PTPRO: variants seen among roughly 807,000 people sequenced by gnomAD.
The protein encoded by PTPRO is protein tyrosine phosphatase receptor type O, also known as receptor-type tyrosine-protein phosphatase O.
PTPRO carries 62 observed loss-of-function variants against 145.2 expected under a neutral mutation model. The observed-to-expected ratio is 0.43, with a 90% CI of 0.35 to 0.53. The LOEUF (loss-of-function observed/expected upper bound fraction) is 0.53, where lower values mean the gene tolerates loss of function less well. PTPRO is among the 20% of genes least tolerant of loss of function. The probability of loss-of-function intolerance (pLI) is 0.01; values close to 1 mark genes in which losing one functional copy is unlikely to be tolerated. For missense variants in PTPRO, 1,345 were observed against 1,482.7 expected, an observed-to-expected ratio of 0.91 and a Z score of 1.53; for synonymous variants, 565 against 514.7, an observed-to-expected ratio of 1.10 and a Z score of -1.32.
At chr12:15,405,689 C>T (rs1231218131) in intron 1 of PTPRO, among the ~76,000 whole-genome samples, 2 of 151,886 alleles carry the variant, frequency 1.3e-5, no homozygotes, top group East Asian at 1.9e-4. Context: ...AAGTATTGGC[C>T]GTTAAGAGAA....
Position 15,549,205 on chromosome 12 carries a change from T to C in PTPRO, c.2416T>C (p.Phe806Leu). The C allele has an allele frequency of 1.9e-6, 3 of 1,608,426 alleles. No homozygotes were observed. The highest frequency in any genetic ancestry group is 2.5e-6 in the Non-Finnish European group (3 of 1,178,848). Residue 806 changes from phenylalanine to leucine, a missense_variant, in exon 14 of 27, where the codon TTC (phenylalanine) becomes CTC (leucine). Coordinates refer to ENST00000281171, the MANE Select transcript of PTPRO (RefSeq NM_030667.3). Reference protein sequence around the residue: ...FSHDSPSVPTFIAVSTMVTEM... With the variant: ...FSHDSPSVPTLIAVSTMVTEM... ...CCATGACAGCCCCAGTGTCCCTACGTTCATAGCCGTCTCAACAATGGGTAA... is the reference window on the plus strand; with the variant it reads ...CCATGACAGCCCCAGTGTCCCTACGCTCATAGCCGTCTCAACAATGGGTAA...
chr12:15,366,662 T>C (rs1938370911), intron 1 of PTPRO, among the ~76,000 whole-genome samples: 1 of 152,206 alleles, frequency 6.6e-6, no homozygotes, highest in Admixed American at 6.5e-5. Flanking sequence ...TGAGGTGTAC[T>C]TGTTTTTATT....
chr12:15,573,312 G>T (rs748119751), intron 19 of PTPRO, among the ~76,000 whole-genome samples: 1 of 152,102 alleles, frequency 6.6e-6, no homozygotes, highest in Non-Finnish European at 1.5e-5. Context: ...ATGAGGCCCA[G>T]CCACATTACG....
At chr12:15,529,317 A>G (rs1942908840) in intron 12 of PTPRO, among the ~76,000 whole-genome samples, 1 of 152,090 alleles carries the variant, frequency 6.6e-6, no homozygotes, top group Non-Finnish European at 1.5e-5. Context: ...TTTTGTTTCT[A>G]TTCTTTTGCT....
At chr12:15,579,510 T>C (rs1944263121) in intron 20 of PTPRO, among the ~76,000 whole-genome samples, 1 of 152,240 alleles carries the variant, frequency 6.6e-6, no homozygotes, top group African/African-American at 2.4e-5. Context: ...GAAAAAGCTC[T>C]AGAAAGAGAA....
chr12:15,403,000 CTT>C (rs1194842678), intron 1 of PTPRO, among the ~76,000 whole-genome samples: 2 of 152,112 alleles, frequency 1.3e-5, no homozygotes, highest in African/African-American at 2.4e-5. Context: ...AAATCTTGAG[CTT>C]TTTAGTTTTA....
chr12:15,335,862 G>T (rs569364987), intron 1 of PTPRO, among the ~76,000 whole-genome samples: 76 of 152,002 alleles, frequency 5.0e-4, no homozygotes, highest in Non-Finnish European at 8.4e-4. Context: ...CTGCTAGATT[G>T]ATGTAACATC....
intron 1 of PTPRO, among the ~76,000 whole-genome samples, chr12:15,444,813 T>C (rs533496033): frequency 6.6e-6 from 1 of 152,268 alleles, no homozygotes; most frequent in Non-Finnish European, 1.5e-5. Context: ...AAGATAAATT[T>C]CTGTTGTTTA....
At chr12:15,533,452 T>G (rs1271002291) in intron 12 of PTPRO, among the ~76,000 whole-genome samples, 1 of 152,218 alleles carries the variant, frequency 6.6e-6, no homozygotes, top group Admixed American at 6.5e-5. Context: ...TGTTATTGTG[T>G]ATATAAGCCC....
intron 1 of PTPRO, among the ~76,000 whole-genome samples, chr12:15,411,316 G>C (rs1457574795): frequency 6.6e-6 from 1 of 152,074 alleles, no homozygotes; most frequent in Non-Finnish European, 1.5e-5. Context: ...AAAAACTTAG[G>C]CTATTATTTT....
chr12:15,465,139 A>T (rs745668332), intron 1 of PTPRO, among the ~76,000 whole-genome samples: 3 of 152,224 alleles, frequency 2.0e-5, no homozygotes, highest in African/African-American at 7.2e-5. Context: ...ACTTGGTGCA[A>T]TAAGTTGAAT....
At chr12:15,466,297 T>C (rs554048572) in intron 1 of PTPRO, among the ~76,000 whole-genome samples, 103 of 152,332 alleles carry the variant, frequency 6.8e-4, no homozygotes, top group Middle Eastern at 3.4e-3. Flanking sequence ...GAGACTATTT[T>C]AATAGCGCAA....
intron 1 of PTPRO, chr12:15,440,543 C>G (rs915309012): frequency 6.1e-6 from 1 of 163,896 alleles, no homozygotes; most frequent in African/African-American, 2.4e-5. Context: ...AAAGATCTAC[C>G]ATGCAAACAG....
intron 1 of PTPRO, among the ~76,000 whole-genome samples, chr12:15,345,465 G>A (rs1867170184): frequency 6.6e-6 from 1 of 152,082 alleles, no homozygotes; most frequent in African/African-American, 2.4e-5. Context: ...GCAGGGACAT[G>A]GATGAAGCTG....
intron 1 of PTPRO, among the ~76,000 whole-genome samples, chr12:15,332,708 A>T (rs1412268915): frequency 6.6e-6 from 1 of 152,204 alleles, no homozygotes; most frequent in Non-Finnish European, 1.5e-5. Context: ...ATTAATCATA[A>T]ATGGTGACAT....
chr12:15,419,087 T>A (rs981359874), intron 1 of PTPRO, among the ~76,000 whole-genome samples: 8 of 151,406 alleles, frequency 5.3e-5, no homozygotes, highest in Non-Finnish European at 1.5e-5. Context: ...TAAAAATAGG[T>A]GCGATTTGGA....
At chr12:15,374,945 G>C (rs771690631) in intron 1 of PTPRO, among the ~76,000 whole-genome samples, 2 of 152,194 alleles carry the variant, frequency 1.3e-5, no homozygotes, top group Non-Finnish European at 2.9e-5. Context: ...GTACCAGGAG[G>C]AAGTGAAGGC....
At chr12:15,512,368 G>C (rs1942459913) in intron 7 of PTPRO, among the ~76,000 whole-genome samples, 1 of 152,102 alleles carries the variant, frequency 6.6e-6, no homozygotes, top group African/African-American at 2.4e-5. Flanking sequence ...GCCCACCTTG[G>C]CCTCCCAAAG....
intron 2 of PTPRO, among the ~76,000 whole-genome samples, chr12:15,493,366 C>CAAG (rs965797831): frequency 2.6e-5 from 4 of 151,710 alleles, no homozygotes; most frequent in Non-Finnish European, 4.4e-5. Context: ...TAGATTTCAG[C>CAAG]AAGAAAAAAG....
Sources: allele counts gnomAD v4.1 joint callset (sites outside exome capture counted in the v4.1 genomes callset), GRCh38; gene constraint gnomAD v4.1.1; transcripts MANE v1.5; gene names NCBI Gene and HGNC (gene_info 2026-07-23, HGNC 2026-07-21).